Variants in SRGAP3 observed in about 807,000 individuals in gnomAD.
SRGAP3 encodes SLIT-ROBO Rho GTPase activating protein 3.
A neutral mutation model predicts 121.1 loss-of-function variants in SRGAP3; 39 were observed. The ratio of observed to expected loss-of-function variants is 0.32; its 90% CI spans 0.25 to 0.42. SRGAP3 has a LOEUF of 0.42. Among genes scored for constraint, SRGAP3 ranks in the 10% least tolerant of loss-of-function variants. The pLI, the probability that SRGAP3 is intolerant of heterozygous loss-of-function variation, is 1.00. For missense variants in SRGAP3, 1,213 were observed against 1,470.6 expected (o/e 0.82, Z 2.86); for synonymous variants, 601 against 570.0 (o/e 1.05, Z -0.77).
chr3:9,073,171 T>C (rs1486259027), intron 4 of SRGAP3, among the ~76,000 whole-genome samples: 2 of 152,210 alleles, frequency 1.3e-5, no homozygotes, highest in East Asian at 3.8e-4. Context: ...TAAGACGGGG[T>C]CTTACTCTGT....
At chr3:9,215,878 T>C (rs1952600281) in intron 1 of SRGAP3, among the ~76,000 whole-genome samples, 1 of 152,182 alleles carries the variant, frequency 6.6e-6, no homozygotes, top group South Asian at 2.1e-4. Flanking sequence ...ACTTTCAGAC[T>C]TACACTGGCC....
intron 12 of SRGAP3, among the ~76,000 whole-genome samples, chr3:9,030,950 CTT>C (rs35661722): frequency 2.0e-5 from 3 of 151,616 alleles, no homozygotes; most frequent in Non-Finnish European, 4.4e-5. Flanking sequence ...CTCTGAACTT[CTT>C]TTTTTTTGTT....
At position 9,248,546 on chromosome 3, in the gene SRGAP3, A is replaced by G. The variant is rs147292237; in HGVS notation, c.67+339T>C. Among the ~76,000 whole-genome samples the G allele has an allele frequency of 5.2e-3, 787 of 152,288 alleles. 8 individuals are homozygous for G. Among genetic ancestry groups the G allele is most frequent in the African/African-American group, 0.017 (725 of 41,556 alleles). ...TTTTACCATGGCAGGGAAGGGGTGG[A>G]GGTAGTGACTATCAAAATGGCCTTA... On this transcript the variant is annotated intron_variant, in intron 1 of 21. Transcript: ENST00000383836.
chr3:9,249,398 A>G lies in SRGAP3; in HGVS notation c.-447T>C. Reference sequence around the variant, plus strand: ...CACACACACCCTCACACGCACACACACTCGCTGGATCACTCACACACACAC... The same window carrying G: ...CACACACACCCTCACACGCACACACGCTCGCTGGATCACTCACACACACAC... On this transcript the variant is annotated 5_prime_UTR_variant, in exon 1 of 22. Transcript: ENST00000383836. 3 of 279,044 alleles carry G rather than the reference A, an allele frequency of 1.1e-5. 1 individual carries two copies. Among genetic ancestry groups the G allele is most frequent in the Non-Finnish European group, 2.1e-5 (3 of 145,252 alleles). 17.3% of individuals were successfully genotyped at this position (279,044 alleles called of 1,614,324 possible).
chr3:9,042,679 G>T (rs1945078545), intron 10 of SRGAP3, among the ~76,000 whole-genome samples: 1 of 152,184 alleles, frequency 6.6e-6, no homozygotes, highest in Non-Finnish European at 1.5e-5. Flanking sequence ...CTGTGTGTCT[G>T]GAGTCAAGGG....
chr3:9,171,618 A>C (rs1026037026), intron 1 of SRGAP3, among the ~76,000 whole-genome samples: 4 of 152,190 alleles, frequency 2.6e-5, no homozygotes, highest in Non-Finnish European at 2.9e-5. Context: ...GTCTTATTAA[A>C]AGTTTTTTTA....
Position 9,020,033 on chromosome 3 carries a change from C to A in SRGAP3, c.1679-4302G>T, listed in dbSNP as rs573492097. 4.4e-4 allele frequency among the ~76,000 whole-genome samples: 67 copies of A among 152,346 alleles called. 1 individual carries two copies. In the South Asian group the frequency reaches 4.8e-3, roughly 11 times the overall value. ...TACATACGAACTCTCCTAACCCTTA[C>A]AACAGCATTGCATGTCACTAAGGGA... On this transcript the variant is annotated intron_variant, in intron 14 of 21. Transcript: ENST00000383836.
At chr3:9,146,797 C>T (rs986086469) in intron 1 of SRGAP3, among the ~76,000 whole-genome samples, 1 of 152,272 alleles carries the variant, frequency 6.6e-6, no homozygotes, top group Non-Finnish European at 1.5e-5. Flanking sequence ...CTGCAGGGCG[C>T]GAGGACGATG....
intron 3 of SRGAP3, among the ~76,000 whole-genome samples, chr3:9,084,808 G>T (rs1288102185): frequency 6.6e-6 from 1 of 152,132 alleles, no homozygotes; most frequent in African/African-American, 2.4e-5. Context: ...TCCTGGAAAT[G>T]GACTTATCCT....
intron 4 of SRGAP3, among the ~76,000 whole-genome samples, chr3:9,074,820 T>C (rs1176060568): frequency 6.6e-6 from 1 of 152,242 alleles, no homozygotes; most frequent in Non-Finnish European, 1.5e-5. Context: ...GAGTGATTCA[T>C]GGCTCCAGTT....
intron 3 of SRGAP3, among the ~76,000 whole-genome samples, chr3:9,082,630 G>A (rs946428492): frequency 2.6e-5 from 4 of 152,202 alleles, no homozygotes; most frequent in African/African-American, 9.6e-5. Context: ...TATCGAAAAT[G>A]GGAGCCGTGA....
At position 9,124,672 on chromosome 3, in the gene SRGAP3, C is replaced by T. The variant is rs1007860961; in HGVS notation, c.260+53G>A. On this transcript the variant is annotated intron_variant, in intron 2 of 21. Transcript: ENST00000383836. The stretch of plus-strand genomic sequence containing the variant: ...CCTTTCTGCTTTGCCACCAACTGTC[C>T]GCCCACCCCAGTGCTGCCTCCCATC... The T allele has an allele frequency of 1.4e-5, 22 of 1,609,058 alleles. No individual in the cohort carries two copies. In the Admixed American group the frequency reaches 2.0e-4, roughly 15 times the overall value.
chr3:9,212,621 A>G (rs1574878603), intron 1 of SRGAP3, among the ~76,000 whole-genome samples: 1 of 152,172 alleles, frequency 6.6e-6, no homozygotes, highest in East Asian at 1.9e-4. Context: ...AGGCTAAGGC[A>G]GGAGAATCAC....
At chr3:9,130,729 C>T (rs2125003825) in intron 1 of SRGAP3, among the ~76,000 whole-genome samples, 1 of 152,346 alleles carries the variant, frequency 6.6e-6, no homozygotes, top group East Asian at 1.9e-4. Flanking sequence ...TATTCAACCT[C>T]TTGCATTCTT....
chr3:9,133,479 A>G (rs1434272740), intron 1 of SRGAP3, among the ~76,000 whole-genome samples: 1 of 152,216 alleles, frequency 6.6e-6, no homozygotes, highest in Non-Finnish European at 1.5e-5. Flanking sequence ...GCAAGACTCT[A>G]TCTAAAAAAA....
intron 1 of SRGAP3, among the ~76,000 whole-genome samples, chr3:9,245,113 T>A (rs888614154): frequency 6.6e-6 from 1 of 152,166 alleles, no homozygotes; most frequent in African/African-American, 2.4e-5. Flanking sequence ...CTTTTGGAGG[T>A]CCTTTTGGCA....
At chr3:9,271,271 T>C (rs1379598959) in intron 3 of SRGAP3, among the ~76,000 whole-genome samples, 2 of 152,100 alleles carry the variant, frequency 1.3e-5, no homozygotes, top group African/African-American at 4.8e-5. Context: ...GAGGCAGAGG[T>C]TGCAGTGAGC....
chr3:9,043,456 G>T (rs960061554), intron 10 of SRGAP3, among the ~76,000 whole-genome samples: 1 of 152,188 alleles, frequency 6.6e-6, no homozygotes, highest in Non-Finnish European at 1.5e-5. Context: ...GGATAGATGG[G>T]TGAACAGAAG....
At chr3:9,286,317 A>C (rs1954769308) in intron 3 of SRGAP3, among the ~76,000 whole-genome samples, 1 of 152,140 alleles carries the variant, frequency 6.6e-6, no homozygotes, top group Admixed American at 6.6e-5. Flanking sequence ...TTCTTCCAGC[A>C]TGCCCCCCAA....
Sources: gnomAD v4.1 joint callset for allele counts (sites outside exome capture counted in the v4.1 genomes callset) on GRCh38, gnomAD v4.1.1 for gene constraint, MANE v1.5 for transcripts, NCBI Gene and HGNC (gene_info 2026-07-23, HGNC 2026-07-21) for gene names.